Variants in ZFHX3 observed in about 807,000 individuals in gnomAD.
ZFHX3 encodes zinc finger homeobox protein 3.
In ZFHX3, 42 loss-of-function variants were observed where a neutral mutation model predicts 279.1. The ratio of observed to expected loss-of-function variants is 0.15; its 90% CI spans 0.12 to 0.19. ZFHX3 has a LOEUF of 0.19. ZFHX3 is among the 10% of genes least tolerant of loss of function. The pLI, the probability that ZFHX3 is intolerant of heterozygous loss-of-function variation, is 1.00. For missense variants in ZFHX3, 4,981 were observed against 4,754.0 expected (o/e 1.05, Z -1.40); for synonymous variants, 2,293 against 1,957.8 (o/e 1.17, Z -4.52).
chr16:73,336,980 G>A (rs1266619841), intron 3 of ZFHX3, among the ~76,000 whole-genome samples: 1 of 152,068 alleles, frequency 6.6e-6, no homozygotes, highest in East Asian at 1.9e-4. Flanking sequence ...AGACCTACAA[G>A]GTTCCCTGGA....
At chr16:73,620,354 G>A (rs935660749) in intron 2 of ZFHX3, among the ~76,000 whole-genome samples, 4 of 152,200 alleles carry the variant, frequency 2.6e-5, no homozygotes, top group African/African-American at 9.7e-5. Flanking sequence ...TGTTCTTATG[G>A]CAATAAATGG....
chr16:73,107,940 T>A (rs973075872), intron 7 of ZFHX3, among the ~76,000 whole-genome samples: 8 of 152,040 alleles, frequency 5.3e-5, no homozygotes, highest in Admixed American at 4.6e-4. Context: ...GGCGGGCGGA[T>A]CACGAGGTCA....
chr16:73,014,023 T>C (rs1037828062), intron 1 of ZFHX3, among the ~76,000 whole-genome samples: 5 of 152,200 alleles, frequency 3.3e-5, no homozygotes, highest in Non-Finnish European at 5.9e-5. Flanking sequence ...CCAGGGGGCC[T>C]GATGCAATCA....
intron 2 of ZFHX3, among the ~76,000 whole-genome samples, chr16:73,641,992 C>A (rs999192733): frequency 3.3e-5 from 5 of 152,010 alleles, no homozygotes; most frequent in Non-Finnish European, 1.5e-5. Flanking sequence ...GCTCCTCCGA[C>A]TCCTCCCTGC....
At chr16:73,760,584 T>A (rs374754585) in intron 1 of ZFHX3, among the ~76,000 whole-genome samples, 1 of 152,100 alleles carries the variant, frequency 6.6e-6, no homozygotes, top group Non-Finnish European at 1.5e-5. Flanking sequence ...AACAAAATAC[T>A]GAAAGACCAA....
intron 9 of ZFHX3, among the ~76,000 whole-genome samples, chr16:72,792,436 C>T (rs1232770603): frequency 6.6e-6 from 1 of 152,080 alleles, no homozygotes; most frequent in Admixed American, 6.6e-5. Context: ...AAGGATCTAC[C>T]ACATAAGACC....
At chr16:73,449,452 A>G (rs1477439502) in intron 3 of ZFHX3, among the ~76,000 whole-genome samples, 1 of 152,122 alleles carries the variant, frequency 6.6e-6, no homozygotes, top group Non-Finnish European at 1.5e-5. Flanking sequence ...GCTTGAGGCC[A>G]GAAGTTAGAG....
intron 6 of ZFHX3, among the ~76,000 whole-genome samples, chr16:73,141,971 GCT>G (rs960845196): frequency 9.9e-5 from 15 of 152,268 alleles, no homozygotes; most frequent in African/African-American, 2.9e-4. Flanking sequence ...TCTTGCAGAT[GCT>G]CTTTCAACCA....
intron 3 of ZFHX3, among the ~76,000 whole-genome samples, chr16:73,417,037 C>T (rs1265382952): frequency 2.0e-5 from 3 of 151,980 alleles, no homozygotes; most frequent in African/African-American, 7.3e-5. Flanking sequence ...CAGTTATAAG[C>T]CAAACTGACA....
intron 7 of ZFHX3, among the ~76,000 whole-genome samples, chr16:73,109,578 T>C (rs1966346291): frequency 9.7e-6 from 1 of 103,244 alleles, no homozygotes; most frequent in African/African-American, 2.9e-5. Context: ...TTAAAAATTT[T>C]CCGGTGCAGT....
chr16:73,494,872 T>G (rs929154845), intron 2 of ZFHX3, among the ~76,000 whole-genome samples: 2 of 152,030 alleles, frequency 1.3e-5, no homozygotes, highest in African/African-American at 4.8e-5. Context: ...CCGGCAAAAC[T>G]ACGTGTTTAA....
At chr16:73,199,661 A>G (rs966536586) in intron 5 of ZFHX3, among the ~76,000 whole-genome samples, 7 of 152,222 alleles carry the variant, frequency 4.6e-5, no homozygotes, top group Non-Finnish European at 8.8e-5. Flanking sequence ...CACTGAGTCC[A>G]CTAGAGAGAG....
At chr16:73,290,944 T>TG (rs2014753428) in intron 4 of ZFHX3, among the ~76,000 whole-genome samples, 1 of 152,112 alleles carries the variant, frequency 6.6e-6, no homozygotes, top group Non-Finnish European at 1.5e-5. Context: ...AACATGGCCT[T>TG]GGGAAAAAAC....
chr16:73,257,491 G>C (rs1322793119), intron 4 of ZFHX3, among the ~76,000 whole-genome samples: 1 of 152,208 alleles, frequency 6.6e-6, no homozygotes, highest in Non-Finnish European at 1.5e-5. Context: ...TCCCCTGTTA[G>C]AAGAGAGTGA....
intron 1 of ZFHX3, among the ~76,000 whole-genome samples, chr16:73,033,376 A>G (rs1964778937): frequency 6.6e-6 from 1 of 152,124 alleles, no homozygotes; most frequent in Non-Finnish European, 1.5e-5. Flanking sequence ...GTTATTCAAG[A>G]ACTGCGTCTT....
At chr16:73,111,634 AAGAGAGAGAAAGAGAGGAAGGAAGGAAGG>A (rs1157540619) in intron 7 of ZFHX3, among the ~76,000 whole-genome samples, 2 of 130,416 alleles carry the variant, frequency 1.5e-5, no homozygotes, top group African/African-American at 2.9e-5. Context: ...AGAGAGAAAG[AAGAGAGAGAAAGAGAGGAAGGAAGGAAGG>A]AGAGAGCGAA....
intron 7 of ZFHX3, among the ~76,000 whole-genome samples, chr16:72,800,471 G>A (rs1308291127): frequency 6.6e-6 from 1 of 152,180 alleles, no homozygotes; most frequent in Non-Finnish European, 1.5e-5. Context: ...TAAGTTGAAA[G>A]GCCCACCTTA....
At chr16:73,442,155 C>T (rs1001811312) in intron 3 of ZFHX3, among the ~76,000 whole-genome samples, 3 of 152,122 alleles carry the variant, frequency 2.0e-5, no homozygotes, top group African/African-American at 7.2e-5. Context: ...TGAGACAAGT[C>T]TCTCCCAAGA....
At chr16:73,681,505 G>C (rs1567550043) in intron 1 of ZFHX3, among the ~76,000 whole-genome samples, 1 of 152,210 alleles carries the variant, frequency 6.6e-6, no homozygotes, top group South Asian at 2.1e-4. Flanking sequence ...GAGAGATAAA[G>C]AATGAAATTT....
Sources: allele counts gnomAD v4.1 joint callset (sites outside exome capture counted in the v4.1 genomes callset), GRCh38; gene constraint gnomAD v4.1.1; transcripts MANE v1.5; gene names NCBI Gene and HGNC (gene_info 2026-07-23, HGNC 2026-07-21).